The following ASIC2 variants were observed in gnomAD, a reference collection of about 807,000 sequenced individuals.
The protein encoded by ASIC2 is acid sensing ion channel subunit 2.
A neutral mutation model predicts 57.3 loss-of-function variants in ASIC2; 25 were observed. The observed-to-expected ratio is 0.44, with a 90% CI of 0.32 to 0.61. The LOEUF (loss-of-function observed/expected upper bound fraction) is 0.61, where lower values mean the gene tolerates loss of function less well. ASIC2 is among the 20% of genes least tolerant of loss of function. ASIC2 has a pLI of 0.06. For missense variants in ASIC2, 641 were observed against 738.1 expected (o/e 0.87, Z 1.52); for synonymous variants, 319 against 307.5 (o/e 1.04, Z -0.39).
intron 1 of ASIC2, among the ~76,000 whole-genome samples, chr17:34,092,965 G>A (rs1910385769): frequency 6.6e-6 from 1 of 152,104 alleles, no homozygotes; most frequent in Admixed American, 6.5e-5. Flanking sequence ...ATGCATATTT[G>A]TCTGAAGCTT....
chr17:34,069,454 G>A (rs1029855751), intron 1 of ASIC2: 9 of 148,354 alleles, frequency 6.1e-5, no homozygotes, highest in African/African-American at 2.0e-4. Flanking sequence ...CTTTCAGAGA[G>A]AGAGAAATTA....
chr17:33,701,376 C>A (rs1472449367), intron 1 of ASIC2, among the ~76,000 whole-genome samples: 3 of 152,104 alleles, frequency 2.0e-5, no homozygotes, highest in Non-Finnish European at 2.9e-5. Flanking sequence ...TACAGCCATA[C>A]CGGACTACAA....
chr17:34,132,093 T>C (rs1251602352), intron 1 of ASIC2, among the ~76,000 whole-genome samples: 1 of 152,214 alleles, frequency 6.6e-6, no homozygotes, highest in African/African-American at 2.4e-5. Context: ...GACACAAGAA[T>C]GTAAAGCCTG....
intron 1 of ASIC2, among the ~76,000 whole-genome samples, chr17:34,086,356 A>G (rs1004449531): frequency 6.6e-6 from 1 of 152,032 alleles, no homozygotes; most frequent in Non-Finnish European, 1.5e-5. Flanking sequence ...GTTTTGAGTG[A>G]GTTTCTTAAT....
intron 1 of ASIC2, among the ~76,000 whole-genome samples, chr17:33,521,876 C>G (rs1914751350): frequency 6.6e-6 from 1 of 152,232 alleles, no homozygotes; most frequent in Admixed American, 6.5e-5. Flanking sequence ...GGCTGTTCCT[C>G]TGGGTGTGCA....
At chr17:33,769,911 G>T (rs114036542) in intron 1 of ASIC2, among the ~76,000 whole-genome samples, 1 of 152,176 alleles carries the variant, frequency 6.6e-6, no homozygotes, top group Non-Finnish European at 1.5e-5. Flanking sequence ...GAGGACTCTA[G>T]TCCCATCAGG....
chr17:34,104,603 T>C (rs1353234767), intron 1 of ASIC2, among the ~76,000 whole-genome samples: 1 of 152,104 alleles, frequency 6.6e-6, no homozygotes, highest in African/African-American at 2.4e-5. Context: ...GCACATGCTC[T>C]CTATCAGAAT....
At chr17:33,246,191 G>A (rs977021592) in intron 1 of ASIC2, among the ~76,000 whole-genome samples, 2 of 152,050 alleles carry the variant, frequency 1.3e-5, no homozygotes, top group Non-Finnish European at 2.9e-5. Context: ...ATTGATGGTG[G>A]AGTTGGCCTA....
intron 1 of ASIC2, among the ~76,000 whole-genome samples, chr17:33,791,322 T>A (rs1911763367): frequency 6.6e-6 from 1 of 152,144 alleles, no homozygotes; most frequent in Non-Finnish European, 1.5e-5. Flanking sequence ...ATGGGAAATA[T>A]GAGCAAATTG....
intron 3 of ASIC2, 92 bp from the exon 4 acceptor site, chr17:33,028,484 A>G: frequency 6.8e-7 from 1 of 1,474,646 alleles, no homozygotes; most frequent in Non-Finnish European, 9.3e-7. Flanking sequence ...ATTATTGAGC[A>G]TTTAAATACC....
chr17:33,982,941 G>C (rs1186257034), intron 1 of ASIC2, among the ~76,000 whole-genome samples: 1 of 152,192 alleles, frequency 6.6e-6, no homozygotes, highest in Admixed American at 6.5e-5. Context: ...CTTCTAGTTA[G>C]GGACAGATTT....
At chr17:33,154,021 A>G (rs11657877) in intron 1 of ASIC2, among the ~76,000 whole-genome samples, 45,877 of 151,916 alleles carry the variant, frequency 0.3, 7,132 homozygotes, top group East Asian at 0.44. Context: ...CTCCTTCATG[A>G]ACATCCTGCA....
chr17:34,118,818 G>A (rs1277958584), intron 1 of ASIC2: 1 of 152,292 alleles, frequency 6.6e-6, no homozygotes, highest in African/African-American at 2.4e-5. Context: ...GGGAACGGGT[G>A]CTCTAAGGTT....
At chr17:33,807,973 C>T (rs1416295886) in intron 1 of ASIC2, among the ~76,000 whole-genome samples, 8 of 152,292 alleles carry the variant, frequency 5.3e-5, no homozygotes, top group South Asian at 2.1e-4. Flanking sequence ...ATTTTTCTCC[C>T]AGTATGTGGC....
chr17:33,755,922 C>T (rs1020106729), intron 1 of ASIC2, among the ~76,000 whole-genome samples: 1 of 152,154 alleles, frequency 6.6e-6, no homozygotes, highest in Non-Finnish European at 1.5e-5. Flanking sequence ...CAGGGTGACC[C>T]CCTCAACATG....
chr17:33,511,868 G>T (rs1914440282), intron 1 of ASIC2, among the ~76,000 whole-genome samples: 1 of 152,156 alleles, frequency 6.6e-6, no homozygotes, highest in Admixed American at 6.5e-5. Context: ...ATCCTCACTT[G>T]CCACGAAACC....
chr17:33,661,170 G>A (rs1470664073), intron 1 of ASIC2, among the ~76,000 whole-genome samples: 1 of 152,108 alleles, frequency 6.6e-6, no homozygotes, highest in Non-Finnish European at 1.5e-5. Flanking sequence ...TCTCTTGGCT[G>A]GTGCTGAGCC....
rs7215064 is a variant in ASIC2, at chr17:33,021,134, T to C, written c.1441+85A>G. The C allele has an allele frequency of 4.7e-3, 4,734 of 1,015,634 alleles. 160 individuals are homozygous for C. The African/African-American group carries it at 0.065, about 14-fold the overall frequency. 62.9% of individuals were successfully genotyped at this position (1,015,634 alleles called of 1,614,324 possible). ...ACTCCTCCGAGGCTATGTGTCTGTC[T>C]GCTTGCCTCCCATCCACCTGTGCAT... On this transcript the variant is annotated intron_variant, in intron 7 of 9. Transcript: ENST00000225823.
At chr17:33,643,909 T>C (rs1906660041) in intron 1 of ASIC2, among the ~76,000 whole-genome samples, 1 of 152,228 alleles carries the variant, frequency 6.6e-6, no homozygotes, top group African/African-American at 2.4e-5. Flanking sequence ...AAACGGCTAG[T>C]ACCCAACATG....
Sources: gnomAD v4.1 joint callset for allele counts (sites outside exome capture counted in the v4.1 genomes callset) on GRCh38, gnomAD v4.1.1 for gene constraint, MANE v1.5 for transcripts, NCBI Gene and HGNC (gene_info 2026-07-23, HGNC 2026-07-21) for gene names.